PTPRD: variants seen among roughly 807,000 people sequenced by gnomAD.
PTPRD encodes the protein protein tyrosine phosphatase receptor type D.
A neutral mutation model predicts 214.5 loss-of-function variants in PTPRD; 34 were observed. The ratio of observed to expected loss-of-function variants is 0.16; its 90% CI spans 0.12 to 0.21. PTPRD has a LOEUF of 0.21. Among genes scored for constraint, PTPRD ranks in the 10% least tolerant of loss-of-function variants. The pLI is 1.00. For missense variants in PTPRD, 2,545 were observed against 2,398.7 expected (o/e 1.06, Z -1.27); for synonymous variants, 1,128 against 845.7 (o/e 1.33, Z -5.79).
intron 9 of PTPRD, among the ~76,000 whole-genome samples, chr9:9,341,894 C>T (rs1305380549): frequency 1.3e-5 from 2 of 152,062 alleles, no homozygotes; most frequent in East Asian, 3.9e-4. Context: ...CAGCAACTTC[C>T]ACCTCCTGGG....
chr9:10,050,538 C>T (rs1461691861), intron 3 of PTPRD, among the ~76,000 whole-genome samples: 1 of 76,994 alleles, frequency 1.3e-5, no homozygotes, highest in Admixed American at 2.2e-4. Context: ...CCAGCCTGGG[C>T]AATAAAGAGA....
chr9:9,312,795 C>A (rs1959693569), intron 9 of PTPRD, among the ~76,000 whole-genome samples: 1 of 152,164 alleles, frequency 6.6e-6, no homozygotes, highest in African/African-American at 2.4e-5. Context: ...AAGTATCTGA[C>A]AATCATACAA....
chr9:8,773,629 A>C (rs3948324), intron 11 of PTPRD, among the ~76,000 whole-genome samples: 102,103 of 152,076 alleles, frequency 0.67, 34,535 homozygotes, highest in Middle Eastern at 0.79. Flanking sequence ...GATAATGTAA[A>C]TCCCCTGCTT....
chr9:8,336,443 T>G (rs1846766351), intron 43 of PTPRD, among the ~76,000 whole-genome samples: 1 of 133,844 alleles, frequency 7.5e-6, no homozygotes, highest in Non-Finnish European at 1.6e-5. Flanking sequence ...AAAAATTAAC[T>G]CAAGATGGAT....
At chr9:9,206,160 G>A (rs2099944732) in intron 9 of PTPRD, among the ~76,000 whole-genome samples, 1 of 152,192 alleles carries the variant, frequency 6.6e-6, no homozygotes, top group Admixed American at 6.5e-5. Flanking sequence ...TTTGCTCAAA[G>A]AACAAGGTGA....
chr9:9,931,498 C>T (rs1052093403), intron 5 of PTPRD, among the ~76,000 whole-genome samples: 3 of 152,126 alleles, frequency 2.0e-5, no homozygotes, highest in South Asian at 2.1e-4. Flanking sequence ...CGCTCCCACC[C>T]GAATACTGCG....
chr9:10,581,150 A>C (rs2071612177), intron 2 of PTPRD, among the ~76,000 whole-genome samples: 1 of 152,158 alleles, frequency 6.6e-6, no homozygotes, highest in African/African-American at 2.4e-5. Context: ...TATCCCACAG[A>C]GCTATTATGA....
chr9:8,923,662 C>G (rs1043148614), intron 11 of PTPRD, among the ~76,000 whole-genome samples: 1 of 152,242 alleles, frequency 6.6e-6, no homozygotes, highest in South Asian at 2.1e-4. Context: ...ATAAGTTTAA[C>G]AATCTTAAAT....
intron 3 of PTPRD, among the ~76,000 whole-genome samples, chr9:10,242,681 C>T (rs950548392): frequency 1.8e-4 from 9 of 49,584 alleles, no homozygotes. Context: ...AGCTTAAGGG[C>T]TTACTTAATT....
rs572643906 is a variant in PTPRD at position 8,489,334 on chromosome 9, G to A, written c.2468-2985C>T. On this transcript the variant is annotated intron_variant, in intron 27 of 45. Transcript: ENST00000381196. ...CTAGGAATCACGAGATCAAAGTAATGATATAGAAATAAGAGCATTAGCTCT... is the reference window on the plus strand; with the variant it reads ...CTAGGAATCACGAGATCAAAGTAATAATATAGAAATAAGAGCATTAGCTCT... 2.6e-5 allele frequency among the ~76,000 whole-genome samples: 4 copies of A among 152,268 alleles called. No individual in the cohort carries two copies. In the East Asian group the frequency reaches 7.7e-4, roughly 29 times the overall value.
intron 5 of PTPRD, among the ~76,000 whole-genome samples, chr9:9,922,456 T>A (rs2082827330): frequency 6.6e-6 from 1 of 152,012 alleles, no homozygotes; most frequent in African/African-American, 2.4e-5. Context: ...CATTCTAAAA[T>A]TCCCTTGTGA....
At chr9:9,446,315 G>A (rs2090384809) in intron 8 of PTPRD, among the ~76,000 whole-genome samples, 1 of 152,076 alleles carries the variant, frequency 6.6e-6, no homozygotes, top group Non-Finnish European at 1.5e-5. Flanking sequence ...CTAAAGATAG[G>A]TCTCTTCACA....
intron 2 of PTPRD, among the ~76,000 whole-genome samples, chr9:10,385,032 G>GT (rs765979872): frequency 2.0e-5 from 3 of 151,590 alleles, no homozygotes; most frequent in Non-Finnish European, 4.4e-5. Context: ...TCCTCCATCT[G>GT]TATCTCTCAC....
At chr9:8,628,614 CAA>C (rs57311712) in intron 14 of PTPRD, among the ~76,000 whole-genome samples, 42 of 101,188 alleles carry the variant, frequency 4.2e-4, no homozygotes, top group East Asian at 4.1e-3. Context: ...CATATCAGGC[CAA>C]AAAAAAAAAA....
At chr9:9,696,138 T>C (rs780322635) in intron 7 of PTPRD, among the ~76,000 whole-genome samples, 2 of 152,168 alleles carry the variant, frequency 1.3e-5, no homozygotes, top group African/African-American at 2.4e-5. Flanking sequence ...TATGTGCCCA[T>C]GAATATATTC....
chr9:10,044,899 C>G (rs1004978933), intron 3 of PTPRD, among the ~76,000 whole-genome samples: 13 of 151,704 alleles, frequency 8.6e-5, no homozygotes, highest in African/African-American at 3.1e-4. Flanking sequence ...TCAATATTAT[C>G]TCTCCCTTTC....
At chr9:9,078,347 T>C (rs2099754099) in intron 10 of PTPRD, among the ~76,000 whole-genome samples, 1 of 152,106 alleles carries the variant, frequency 6.6e-6, no homozygotes, top group Admixed American at 6.6e-5. Context: ...CATAGTTAAA[T>C]AATTTCAAAA....
At chr9:9,143,159 C>T (rs961781483) in intron 10 of PTPRD, among the ~76,000 whole-genome samples, 2 of 152,326 alleles carry the variant, frequency 1.3e-5, no homozygotes, top group African/African-American at 4.8e-5. Flanking sequence ...CCAAATTCCT[C>T]ATTGGAGCAT....
intron 4 of PTPRD, among the ~76,000 whole-genome samples, chr9:9,964,248 T>C (rs1489636868): frequency 1.3e-5 from 2 of 152,192 alleles, no homozygotes; most frequent in East Asian, 1.9e-4. Context: ...GAATCATCTA[T>C]CAAATATTTA....
Sources: gnomAD v4.1 joint callset for allele counts (sites outside exome capture counted in the v4.1 genomes callset) on GRCh38, gnomAD v4.1.1 for gene constraint, MANE v1.5 for transcripts, NCBI Gene and HGNC (gene_info 2026-07-23, HGNC 2026-07-21) for gene names.